NEBL: variants seen among roughly 807,000 people sequenced by gnomAD.
NEBL encodes LIM and SH3 protein 2.
A neutral mutation model predicts 140.2 loss-of-function variants in NEBL; 122 were observed. The ratio of observed to expected loss-of-function variants is 0.87; its 90% CI spans 0.75 to 1.01. NEBL has a LOEUF of 1.01. Ranked by LOEUF, NEBL falls within the 50% of genes least tolerant of loss-of-function variation. The pLI, the probability that NEBL is intolerant of heterozygous loss-of-function variation, is 0.00. For missense variants in NEBL, 1,365 were observed against 1,231.3 expected, an observed-to-expected ratio of 1.11 and a Z score of -1.62; for synonymous variants, 436 against 398.9, an observed-to-expected ratio of 1.09 and a Z score of -1.11.
rs1060503680 is a variant in NEBL, at chr10:20,828,610, T to G, written c.1696A>C (p.Lys566Gln). Residue 566 changes from lysine to glutamine, a missense_variant, in exon 17 of 28, where the codon AAG (lysine) becomes CAG (glutamine). Coordinates refer to ENST00000377122, the MANE Select transcript of NEBL (RefSeq NM_006393.3). Reference sequence around the variant, plus strand: ...ATGGTAGAATAGTTAGAAAGCATCTTCTCTGCTTCATCTTTATACTTTCTC... The same window carrying G: ...ATGGTAGAATAGTTAGAAAGCATCTGCTCTGCTTCATCTTTATACTTTCTC... ...SQRKYKDEAE[K>Q]MLSNYSTIAD... is the part of the protein sequence containing the mutation. The G allele has an allele frequency of 1.3e-6, 2 of 1,583,920 alleles. No homozygotes were observed. Among genetic ancestry groups the G allele is most frequent in the Non-Finnish European group, 8.7e-7 (1 of 1,153,050 alleles).
intron 2 of NEBL, among the ~76,000 whole-genome samples, chr10:21,140,640 C>T (rs186177310): frequency 1.9e-4 from 29 of 152,148 alleles, no homozygotes; most frequent in African/African-American, 3.9e-4. Flanking sequence ...AAGACATTTA[C>T]GGTAAAATAA....
At chr10:20,873,639 C>A (rs1366582990) in intron 5 of NEBL, among the ~76,000 whole-genome samples, 2 of 152,098 alleles carry the variant, frequency 1.3e-5, no homozygotes, top group Non-Finnish European at 2.9e-5. Flanking sequence ...CTCACTCATA[C>A]ATTTTTTCAA....
At chr10:21,111,144 A>G (rs539104285) in intron 2 of NEBL, among the ~76,000 whole-genome samples, 1 of 152,328 alleles carries the variant, frequency 6.6e-6, no homozygotes, top group African/African-American at 2.4e-5. Context: ...AGAAGAATCA[A>G]TATCATGAAA....
intron 2 of NEBL, chr10:21,126,084 C>G (rs1327953560): frequency 2.5e-6 from 4 of 1,613,836 alleles, no homozygotes; most frequent in Admixed American, 1.7e-5. Flanking sequence ...TCCTGGGAGG[C>G]CTCAGGCCCT....
intron 2 of NEBL, among the ~76,000 whole-genome samples, chr10:21,161,078 AGT>A (rs1471268299): frequency 6.6e-6 from 1 of 152,216 alleles, no homozygotes; most frequent in African/African-American, 2.4e-5. Flanking sequence ...ACACAGAGGA[AGT>A]GTTTGCTACT....
chr10:20,954,198 G>A (rs982117848), intron 4 of NEBL, among the ~76,000 whole-genome samples: 1 of 152,174 alleles, frequency 6.6e-6, no homozygotes, highest in African/African-American at 2.4e-5. Context: ...GATGTGCAAT[G>A]GATATGTAGA....
At chr10:20,868,910 T>C (rs1844624710) in intron 6 of NEBL, 145 bp from the exon 7 acceptor site, 1 of 663,644 alleles carries the variant, frequency 1.5e-6, no homozygotes, top group Non-Finnish European at 2.7e-6. Context: ...TGTTGACTGC[T>C]AAAGCAGAAA....
At chr10:21,034,650 T>A (rs931822440) in intron 2 of NEBL, among the ~76,000 whole-genome samples, 1 of 152,202 alleles carries the variant, frequency 6.6e-6, no homozygotes, top group Admixed American at 6.5e-5. Context: ...GAACTGTCCT[T>A]GGGGAGAGGA....
chr10:20,959,586 C>T (rs1835957366), intron 4 of NEBL, among the ~76,000 whole-genome samples: 1 of 152,204 alleles, frequency 6.6e-6, no homozygotes, highest in Non-Finnish European at 1.5e-5. Context: ...AAGTTGCAGT[C>T]TTATAAATGA....
chr10:20,928,237 C>T (rs1013692366), intron 4 of NEBL, among the ~76,000 whole-genome samples: 1 of 152,160 alleles, frequency 6.6e-6, no homozygotes, highest in African/African-American at 2.4e-5. Context: ...TTTCCAGTAA[C>T]TGAATTGAGT....
chr10:20,962,295 C>A (rs1429020985), intron 3 of NEBL, among the ~76,000 whole-genome samples: 1 of 152,214 alleles, frequency 6.6e-6, no homozygotes, highest in African/African-American at 2.4e-5. Context: ...GAATTGACAG[C>A]TAGCCCTGTC....
chr10:21,275,173 A>T (rs1047027203), intron 1 of NEBL, among the ~76,000 whole-genome samples: 5 of 152,128 alleles, frequency 3.3e-5, no homozygotes, highest in African/African-American at 9.7e-5. Flanking sequence ...CTCATGAGCG[A>T]CCCTGGAGCA....
chr10:20,803,407 A>G (rs1002840983), intron 26 of NEBL, among the ~76,000 whole-genome samples: 6 of 152,314 alleles, frequency 3.9e-5, no homozygotes, highest in African/African-American at 1.2e-4. Flanking sequence ...GAAACATTAA[A>G]AAAGAAAAAT....
At chr10:20,832,113 T>G (rs1198503055) in intron 14 of NEBL, among the ~76,000 whole-genome samples, 1 of 152,138 alleles carries the variant, frequency 6.6e-6, no homozygotes, top group Non-Finnish European at 1.5e-5. Flanking sequence ...CATTATTCCC[T>G]TCACTGGCTC....
chr10:20,867,450 A>G lies in NEBL; in HGVS notation c.684+1214T>C, dbSNP rs1316588104. 2.0e-5 allele frequency among the ~76,000 whole-genome samples: 3 copies of G among 152,258 alleles called. No individual in the cohort carries two copies. The East Asian group carries it at 5.8e-4, about 29-fold the overall frequency. On this transcript the variant is annotated intron_variant, in intron 7 of 27. Coordinates refer to ENST00000377122, the MANE Select transcript of NEBL (RefSeq NM_006393.3). ...ATTTTCAAAGTCAAAAAAACTATAA[A>G]TGTGTAAAACTTACTGTTTGTTAAC...
intron 2 of NEBL, among the ~76,000 whole-genome samples, chr10:21,149,178 T>C (rs1840037409): frequency 6.6e-6 from 1 of 152,198 alleles, no homozygotes; most frequent in African/African-American, 2.4e-5. Context: ...AACACTGTAG[T>C]GAGAACTTCG....
chr10:20,923,760 G>A (rs534345873), intron 4 of NEBL, among the ~76,000 whole-genome samples: 5 of 144,374 alleles, frequency 3.5e-5, no homozygotes, highest in South Asian at 4.6e-4. Context: ...TGTTGAAGCT[G>A]TCAAGCCTGC....
chr10:20,816,045 A>G (rs1411444881), intron 21 of NEBL, among the ~76,000 whole-genome samples: 1 of 152,158 alleles, frequency 6.6e-6, no homozygotes, highest in East Asian at 1.9e-4. Context: ...TGGGATGACA[A>G]TCCTGAGCCA....
chr10:21,174,060 C>A, exon 1 of NEBL: 1 of 1,091,418 alleles, frequency 9.2e-7, no homozygotes, highest in Non-Finnish European at 1.1e-6. Flanking sequence ...TGGGTCTCGG[C>A]TCCGGCTCCG....
Sources: allele counts gnomAD v4.1 joint callset (sites outside exome capture counted in the v4.1 genomes callset), GRCh38; gene constraint gnomAD v4.1.1; transcripts MANE v1.5; gene names NCBI Gene and HGNC (gene_info 2026-07-23, HGNC 2026-07-21).